PTPRT: variants seen among roughly 807,000 people sequenced by gnomAD.
PTPRT encodes receptor-type tyrosine-protein phosphatase T.
A neutral mutation model predicts 176.8 loss-of-function variants in PTPRT; 56 were observed. That is an observed-to-expected ratio of 0.32 (90% CI 0.26 to 0.40). The LOEUF is 0.40. Ranked by LOEUF, PTPRT falls within the 10% of genes least tolerant of loss-of-function variation. PTPRT has a pLI of 1.00. For missense variants in PTPRT, 1,540 were observed against 1,908.2 expected, an observed-to-expected ratio of 0.81 and a Z score of 3.60; for synonymous variants, 783 against 739.0, an observed-to-expected ratio of 1.06 and a Z score of -0.96.
chr20:43,053,380 C>T (rs1266269868), intron 1 of PTPRT, among the ~76,000 whole-genome samples: 5 of 152,210 alleles, frequency 3.3e-5, no homozygotes, highest in African/African-American at 9.7e-5. Flanking sequence ...CTACCCCATG[C>T]ACCAGCTACC....
chr20:42,114,378 C>T (rs1253335756), intron 22 of PTPRT, among the ~76,000 whole-genome samples: 1 of 152,154 alleles, frequency 6.6e-6, no homozygotes, highest in Non-Finnish European at 1.5e-5. Flanking sequence ...GTACCTGGTC[C>T]AGTAAGTGCT....
At chr20:42,228,500 C>A (rs930563435) in intron 15 of PTPRT, among the ~76,000 whole-genome samples, 1 of 152,202 alleles carries the variant, frequency 6.6e-6, no homozygotes, top group Admixed American at 6.5e-5. Context: ...ATTGTAATAG[C>A]AGTCATTAAT....
intron 7 of PTPRT, among the ~76,000 whole-genome samples, chr20:42,663,781 A>G (rs903609307): frequency 6.6e-6 from 1 of 152,144 alleles, no homozygotes; most frequent in African/African-American, 2.4e-5. Context: ...CCATGCCATT[A>G]GATACATATA....
chr20:42,579,279 G>A (rs2145718439), intron 7 of PTPRT, among the ~76,000 whole-genome samples: 1 of 152,156 alleles, frequency 6.6e-6, no homozygotes, highest in African/African-American at 2.4e-5. Flanking sequence ...TGGTGTATAT[G>A]GGCCACATTT....
chr20:42,975,093 G>T (rs892633475), intron 1 of PTPRT, among the ~76,000 whole-genome samples: 8 of 151,976 alleles, frequency 5.3e-5, no homozygotes, highest in African/African-American at 1.9e-4. Context: ...ATAATCTGTG[G>T]AATATCTGAT....
intron 9 of PTPRT, among the ~76,000 whole-genome samples, chr20:42,397,719 C>G (rs985497407): frequency 2.0e-5 from 3 of 152,132 alleles, no homozygotes; most frequent in Non-Finnish European, 4.4e-5. Context: ...GATTCCAGGT[C>G]TTTGCTATTG....
chr20:42,464,113 T>A (rs1156731665), intron 8 of PTPRT, among the ~76,000 whole-genome samples: 2 of 152,158 alleles, frequency 1.3e-5, no homozygotes, highest in Non-Finnish European at 2.9e-5. Flanking sequence ...TGCAAGCAAG[T>A]CTGAGTTAGC....
At chr20:42,811,962 A>G (rs2145622045) in intron 2 of PTPRT, among the ~76,000 whole-genome samples, 1 of 152,166 alleles carries the variant, frequency 6.6e-6, no homozygotes. Flanking sequence ...TGAGCTTTAT[A>G]TTCTATTATA....
At chr20:42,490,751 C>A (rs2071548150) in intron 7 of PTPRT, among the ~76,000 whole-genome samples, 1 of 152,128 alleles carries the variant, frequency 6.6e-6, no homozygotes, top group African/African-American at 2.4e-5. Context: ...GGTGGCTCCA[C>A]TCTTCTCCCT....
At chr20:43,171,343 T>C (rs1288606376) in intron 1 of PTPRT, among the ~76,000 whole-genome samples, 1 of 152,166 alleles carries the variant, frequency 6.6e-6, no homozygotes, top group Non-Finnish European at 1.5e-5. Context: ...CCCGACTATG[T>C]GTAGGAATTG....
chr20:42,636,767 A>G (rs1366110839), intron 7 of PTPRT, among the ~76,000 whole-genome samples: 1 of 152,124 alleles, frequency 6.6e-6, no homozygotes, highest in African/African-American at 2.4e-5. Context: ...CCTGGGTGAC[A>G]GAGTGAGACT....
chr20:42,691,490 G>A (rs566466248), intron 6 of PTPRT, among the ~76,000 whole-genome samples: 17 of 152,142 alleles, frequency 1.1e-4, no homozygotes, highest in Non-Finnish European at 2.2e-4. Flanking sequence ...TAGAAGTATC[G>A]ACTGCTCTGA....
chr20:42,770,510 T>C (rs1240352793), intron 5 of PTPRT, among the ~76,000 whole-genome samples: 1 of 152,234 alleles, frequency 6.6e-6, no homozygotes, highest in Non-Finnish European at 1.5e-5. Flanking sequence ...TTTCTCATCT[T>C]TCTTGGAAAG....
intron 1 of PTPRT, among the ~76,000 whole-genome samples, chr20:42,985,267 T>C (rs1205364506): frequency 1.3e-5 from 2 of 151,890 alleles, no homozygotes; most frequent in African/African-American, 2.4e-5. Context: ...GAGGCCGAGG[T>C]GGGTGGATCA....
intron 1 of PTPRT, among the ~76,000 whole-genome samples, chr20:43,133,094 A>G (rs1539036): frequency 0.36 from 54,565 of 151,900 alleles, 10,609 homozygotes; most frequent in East Asian, 0.79. Context: ...GCGGACATCA[A>G]CTGAAAGGGA....
At position 42,504,593 on chromosome 20, in the gene PTPRT, T is replaced by C. The variant is rs1026045406; in HGVS notation, c.1154-32031A>G. On this transcript the variant is annotated intron_variant, in intron 7 of 30. Coordinates refer to ENST00000373187, the MANE Select transcript of PTPRT (RefSeq NM_007050.6). ...TTTTCCTATTACCAGTTTCCTGCTA[T>C]ATTTTTCCCACCTGTGACTTCCAGC... Among the ~76,000 whole-genome samples, 45 of 152,182 alleles carry C rather than the reference T, an allele frequency of 3.0e-4. 1 individual carries two copies. The highest frequency in any genetic ancestry group is 2.1e-4 in the South Asian group (1 of 4,836).
chr20:42,761,628 A>G (rs534432653), intron 5 of PTPRT, among the ~76,000 whole-genome samples: 5 of 152,346 alleles, frequency 3.3e-5, no homozygotes, highest in Non-Finnish European at 7.3e-5. Context: ...GAATAAGGAA[A>G]CTGAGGCAGA....
intron 1 of PTPRT, among the ~76,000 whole-genome samples, chr20:43,098,373 T>C (rs1236339959): frequency 6.6e-6 from 1 of 152,078 alleles, no homozygotes; most frequent in Non-Finnish European, 1.5e-5. Context: ...ATCTGTAAAA[T>C]GGATATAACT....
At chr20:43,124,998 AT>A (rs551043648) in intron 1 of PTPRT, among the ~76,000 whole-genome samples, 2,818 of 146,102 alleles carry the variant, frequency 0.019, 58 homozygotes, top group African/African-American at 0.058. Context: ...GATTTGGGAA[AT>A]TTTTTTTTTT....
Sources: allele counts gnomAD v4.1 joint callset (sites outside exome capture counted in the v4.1 genomes callset), GRCh38; gene constraint gnomAD v4.1.1; transcripts MANE v1.5; gene names NCBI Gene and HGNC (gene_info 2026-07-23, HGNC 2026-07-21).